ZBTB20: variants seen among roughly 807,000 people sequenced by gnomAD.
The protein encoded by ZBTB20 is zinc finger and BTB domain-containing protein 20.
Under a neutral mutation model 56.9 loss-of-function variants are expected in ZBTB20, and 9 were observed. The observed-to-expected ratio is 0.16, with a 90% CI of 0.10 to 0.28. The LOEUF is 0.28. Among genes scored for constraint, ZBTB20 ranks in the 10% least tolerant of loss-of-function variants. The pLI is 1.00. For synonymous variants in ZBTB20, 417 were observed against 420.7 expected (o/e 0.99, Z 0.11); for missense variants, 655 against 1,003.0 (o/e 0.65, Z 4.69).
At chr3:114,530,420 T>C (rs1407556315) in intron 6 of ZBTB20, among the ~76,000 whole-genome samples, 1 of 152,192 alleles carries the variant, frequency 6.6e-6, no homozygotes, top group Non-Finnish European at 1.5e-5. Context: ...CTATATCATA[T>C]AGCCTAGGTG....
chr3:114,397,113 T>C (rs540364289), intron 7 of ZBTB20, among the ~76,000 whole-genome samples: 1 of 152,294 alleles, frequency 6.6e-6, no homozygotes, highest in African/African-American at 2.4e-5. Flanking sequence ...CTTCCTTTTC[T>C]AACTTTCTAT....
chr3:114,585,396 T>C (rs1474806244), intron 6 of ZBTB20, among the ~76,000 whole-genome samples: 1 of 152,176 alleles, frequency 6.6e-6, no homozygotes, highest in Non-Finnish European at 1.5e-5. Context: ...TGACAAAAAC[T>C]ATGTGTAGAG....
intron 4 of ZBTB20, among the ~76,000 whole-genome samples, chr3:114,859,152 C>A (rs1018353093): frequency 1.1e-4 from 1 of 8,928 alleles, no homozygotes; most frequent in Admixed American, 2.4e-3. Flanking sequence ...CAAGAGAATT[C>A]TTCCTCTCCC....
At chr3:114,371,264 T>G (rs1187195392) in intron 10 of ZBTB20, among the ~76,000 whole-genome samples, 1 of 152,176 alleles carries the variant, frequency 6.6e-6, no homozygotes, top group African/African-American at 2.4e-5. Context: ...AAAATATACT[T>G]TACAAACTTT....
intron 3 of ZBTB20, among the ~76,000 whole-genome samples, chr3:114,925,511 T>C (rs1042324007): frequency 3.9e-5 from 6 of 151,946 alleles, no homozygotes. Context: ...GGGTTTTTAT[T>C]TGTTTGGTTG....
At chr3:114,831,512 C>T (rs2073843042) in intron 4 of ZBTB20, among the ~76,000 whole-genome samples, 1 of 152,030 alleles carries the variant, frequency 6.6e-6, no homozygotes. Context: ...CAGTGTCTAA[C>T]TCTTCACGTC....
intron 4 of ZBTB20, among the ~76,000 whole-genome samples, chr3:114,893,642 C>T (rs1339502151): frequency 6.6e-6 from 1 of 151,996 alleles, no homozygotes; most frequent in African/African-American, 2.4e-5. Flanking sequence ...TCACTCCATC[C>T]CCTTTTGATG....
In ZBTB20 at chr3:114,320,462, CA is replaced by C. The variant is rs201755564; in HGVS notation, c.*18542del. ...AATTATATCAAAGAAAACAAATAGA[CA>C]AACAAGAATTATAGAACATAAGTAT... On this transcript the variant is annotated 3_prime_UTR_variant, in exon 12 of 12. Coordinates refer to ENST00000675478, the MANE Select transcript of ZBTB20 (RefSeq NM_001348800.3). 76 of 152,200 alleles carry C rather than the reference CA, an allele frequency of 5.0e-4. No individual in the cohort carries two copies. In the East Asian group the frequency reaches 9.6e-3, roughly 19 times the overall value. The allele number at this position is 152,200 out of a possible 1,614,324, so 9.4% of individuals were successfully genotyped here.
chr3:114,367,895 C>T (rs2733418), intron 10 of ZBTB20, among the ~76,000 whole-genome samples: 4,002 of 152,222 alleles, frequency 0.026, 182 homozygotes, highest in African/African-American at 0.09. Context: ...CTGGCTTTTC[C>T]TCGAAGTGAA....
intron 7 of ZBTB20, among the ~76,000 whole-genome samples, chr3:114,409,227 C>A (rs901740746): frequency 4.1e-5 from 6 of 146,360 alleles, no homozygotes; most frequent in African/African-American, 1.5e-4. Context: ...GGTGCTTTTA[C>A]CCCAAGTGGA....
Position 115,070,984 on chromosome 3 carries a change from T to C in ZBTB20, c.-507+235A>G, listed in dbSNP as rs1157970438. Among the ~76,000 whole-genome samples the C allele has an allele frequency of 2.0e-5, 3 of 150,086 alleles. No individual in the cohort carries two copies. In the East Asian group the frequency reaches 5.9e-4, roughly 29 times the overall value. On this transcript the variant is annotated intron_variant, in intron 2 of 11. Coordinates refer to ENST00000675478, the MANE Select transcript of ZBTB20 (RefSeq NM_001348800.3). ...TCACCTCACTGAGCTATAGTATCCT[T>C]TTCTGAAAAAAAAAAGATAATAATA... is the stretch of plus-strand genomic sequence containing the variant.
At chr3:114,542,870 A>T (rs1036775250) in intron 6 of ZBTB20, among the ~76,000 whole-genome samples, 2 of 152,184 alleles carry the variant, frequency 1.3e-5, no homozygotes, top group African/African-American at 4.8e-5. Context: ...TGTTCCTGGC[A>T]CATTCACAAC....
At chr3:114,415,376 G>A (rs1278033085) in intron 7 of ZBTB20, among the ~76,000 whole-genome samples, 1 of 152,126 alleles carries the variant, frequency 6.6e-6, no homozygotes, top group Non-Finnish European at 1.5e-5. Context: ...ATGACCAGCA[G>A]CTTTGAACTC....
At chr3:115,131,043 G>C (rs1325673334) in intron 1 of ZBTB20, among the ~76,000 whole-genome samples, 1 of 152,196 alleles carries the variant, frequency 6.6e-6, no homozygotes, top group Non-Finnish European at 1.5e-5. Context: ...TTACAGGAGT[G>C]AGACACCGTG....
chr3:114,855,100 C>A (rs2075184748), intron 4 of ZBTB20, among the ~76,000 whole-genome samples: 1 of 152,156 alleles, frequency 6.6e-6, no homozygotes, highest in South Asian at 2.1e-4. Flanking sequence ...CACTATCAAT[C>A]AATAATTATG....
chr3:114,916,352 A>G (rs1480361966), intron 3 of ZBTB20, among the ~76,000 whole-genome samples: 1 of 151,990 alleles, frequency 6.6e-6, no homozygotes, highest in Non-Finnish European at 1.5e-5. Context: ...TCTGTATTGT[A>G]TGATATCAGT....
intron 4 of ZBTB20, among the ~76,000 whole-genome samples, chr3:114,823,739 A>C (rs1287460077): frequency 6.6e-6 from 1 of 152,104 alleles, no homozygotes; most frequent in Non-Finnish European, 1.5e-5. Flanking sequence ...CACTTAAGAA[A>C]TATCTGCTGA....
At chr3:114,366,218 T>C (rs1164168484) in intron 10 of ZBTB20, among the ~76,000 whole-genome samples, 1 of 152,228 alleles carries the variant, frequency 6.6e-6, no homozygotes, top group Non-Finnish European at 1.5e-5. Flanking sequence ...AAAGGAATAA[T>C]TCATCTTACC....
intron 6 of ZBTB20, among the ~76,000 whole-genome samples, chr3:114,555,481 T>C (rs1246196432): frequency 6.6e-6 from 1 of 152,040 alleles, no homozygotes; most frequent in Non-Finnish European, 1.5e-5. Context: ...ATTTCCCCCA[T>C]AGAAACGATG....
Sources: gnomAD v4.1 joint callset for allele counts (sites outside exome capture counted in the v4.1 genomes callset) on GRCh38, gnomAD v4.1.1 for gene constraint, MANE v1.5 for transcripts, NCBI Gene and HGNC (gene_info 2026-07-23, HGNC 2026-07-21) for gene names.